The following ASF1A variants were observed in gnomAD, a reference collection of about 807,000 sequenced individuals.
The protein encoded by ASF1A is anti-silencing function 1A histone chaperone.
In ASF1A, 5 loss-of-function variants were observed where a neutral mutation model predicts 22.0. The observed-to-expected ratio is 0.23, with a 90% CI of 0.12 to 0.48. The LOEUF is 0.48. Ranked by LOEUF, ASF1A falls within the 20% of genes least tolerant of loss-of-function variation. ASF1A has a pLI of 0.99. For synonymous variants in ASF1A, 97 were observed against 86.7 expected (o/e 1.12, Z -0.66); for missense variants, 137 against 240.6 (o/e 0.57, Z 2.85).
chr6:118,894,867 C>A (rs539381115), intron 1 of ASF1A, among the ~76,000 whole-genome samples: 71 of 152,254 alleles, frequency 4.7e-4, no homozygotes, highest in African/African-American at 1.6e-3. Context: ...CCGCCAACAG[C>A]CTCCGCGACC....
At chr6:118,906,323 T>C (rs1342818494) in intron 3 of ASF1A, among the ~76,000 whole-genome samples, 3 of 152,184 alleles carry the variant, frequency 2.0e-5, no homozygotes, top group Non-Finnish European at 2.9e-5. Context: ...TCTGCCTACC[T>C]TGACCTCCCA....
chr6:118,897,916 C>T (rs1779542317), intron 1 of ASF1A, among the ~76,000 whole-genome samples: 2 of 152,048 alleles, frequency 1.3e-5, no homozygotes, highest in South Asian at 2.1e-4. Context: ...ATCCCATAAA[C>T]ATAAAAATCA....
intron 3 of ASF1A, among the ~76,000 whole-genome samples, chr6:118,907,139 G>C (rs1583624231): frequency 6.6e-6 from 1 of 152,112 alleles, no homozygotes; most frequent in Admixed American, 6.5e-5. Context: ...CAGAAGTATA[G>C]GAGTTAAATA....
At position 118,909,031 on chromosome 6, in the gene ASF1A, C is replaced by T. The variant is rs1277514668; in HGVS notation, c.*1417C>T. The T allele has an allele frequency of 6.6e-6, 1 of 152,240 alleles. No homozygotes were observed. Among genetic ancestry groups the T allele is most frequent in the East Asian group, 1.9e-4 (1 of 5,198 alleles). The allele number at this position is 152,240 out of a possible 1,614,324, so 9.4% of individuals were successfully genotyped here. ...TATACCAGATTATTAAAATATTGTC[C>T]ATTAACTAGTTCATAGATTTTAAAA... is the stretch of plus-strand genomic sequence containing the variant. On this transcript the variant is annotated 3_prime_UTR_variant, in exon 4 of 4. Coordinates refer to ENST00000229595, the MANE Select transcript of ASF1A (RefSeq NM_014034.3).
At chr6:118,906,522 G>T (rs917160124) in intron 3 of ASF1A, among the ~76,000 whole-genome samples, 1 of 152,078 alleles carries the variant, frequency 6.6e-6, no homozygotes, top group Non-Finnish European at 1.5e-5. Context: ...TGATATTTTT[G>T]TGTGTAACTC....
chr6:118,904,775 AT>A (rs1780057246), intron 2 of ASF1A, among the ~76,000 whole-genome samples: 1 of 152,244 alleles, frequency 6.6e-6, no homozygotes, highest in Non-Finnish European at 1.5e-5. Flanking sequence ...GTAACTATTC[AT>A]AATAGAGGAT....
intron 1 of ASF1A, among the ~76,000 whole-genome samples, chr6:118,899,211 A>G (rs1272548099): frequency 2.6e-5 from 4 of 152,192 alleles, no homozygotes; most frequent in Admixed American, 2.6e-4. Flanking sequence ...CAATCAAAGC[A>G]TTCCTTTTAA....
At chr6:118,899,020 C>A (rs527554537) in intron 1 of ASF1A, among the ~76,000 whole-genome samples, 1 of 152,254 alleles carries the variant, frequency 6.6e-6, no homozygotes, top group Non-Finnish European at 1.5e-5. Context: ...GATTGCTCCC[C>A]TACCCCACAT....
At chr6:118,898,932 G>C (rs140662973) in intron 1 of ASF1A, among the ~76,000 whole-genome samples, 2 of 152,186 alleles carry the variant, frequency 1.3e-5, no homozygotes, top group African/African-American at 4.8e-5. Context: ...ATCATTGACA[G>C]GTTCCAAATT....
chr6:118,895,585 C>A (rs993374450), intron 1 of ASF1A, among the ~76,000 whole-genome samples: 1 of 151,984 alleles, frequency 6.6e-6, no homozygotes, highest in Admixed American at 6.5e-5. Flanking sequence ...TCCAAGAATT[C>A]TTGGTATTTT....
intron 3 of ASF1A, among the ~76,000 whole-genome samples, chr6:118,906,088 T>G (rs1780159908): frequency 6.6e-6 from 1 of 152,184 alleles, no homozygotes; most frequent in Non-Finnish European, 1.5e-5. Context: ...CTCTTTTTTT[T>G]CTGAGATGGT....
At chr6:118,897,058 C>T (rs1015657846) in intron 1 of ASF1A, among the ~76,000 whole-genome samples, 5 of 152,050 alleles carry the variant, frequency 3.3e-5, no homozygotes, top group Non-Finnish European at 7.4e-5. Flanking sequence ...AAGCTGGTCT[C>T]GAACCCCTGG....
At chr6:118,897,059 G>A (rs1779471072) in intron 1 of ASF1A, among the ~76,000 whole-genome samples, 2 of 152,014 alleles carry the variant, frequency 1.3e-5, no homozygotes, top group East Asian at 1.9e-4. Context: ...AGCTGGTCTC[G>A]AACCCCTGGG....
intron 1 of ASF1A, among the ~76,000 whole-genome samples, chr6:118,896,998 T>G (rs1043682077): frequency 6.6e-6 from 1 of 151,926 alleles, no homozygotes; most frequent in Non-Finnish European, 1.5e-5. Flanking sequence ...GCCACCACAT[T>G]GGGCTAATTT....
In ASF1A at chr6:118,905,748, A is replaced by C; in HGVS notation, c.322A>C (p.Arg108=). The C allele has an allele frequency of 9.9e-6, 16 of 1,613,552 alleles. No homozygotes were observed. Among genetic ancestry groups the C allele is most frequent in the Non-Finnish European group, 1.4e-5 (16 of 1,179,508 alleles). ...TACCTATCGAGGACAAGAATTTATT[A>C]GAGTTGGCTATTATGTAAATAATGA... The part of the protein sequence containing the change: ...TCTYRGQEFI[R]VGYYVNNEYT... The change falls in exon 3 of 4, where the codon AGA becomes CGA. Residue 108 remains arginine, a synonymous_variant. Coordinates refer to ENST00000229595, the MANE Select transcript of ASF1A (RefSeq NM_014034.3).
intron 1 of ASF1A, among the ~76,000 whole-genome samples, chr6:118,897,442 T>TTATA (rs34389809): frequency 1.1e-4 from 16 of 151,176 alleles, no homozygotes; most frequent in African/African-American, 3.9e-4. Flanking sequence ...ATTCTTAAAT[T>TTATA]TATATATATA....
chr6:118,895,226 G>A (rs1779302203), intron 1 of ASF1A, among the ~76,000 whole-genome samples: 1 of 151,940 alleles, frequency 6.6e-6, no homozygotes, highest in African/African-American at 2.4e-5. Flanking sequence ...GCGCTCCCCG[G>A]GGGCCGTGGG....
In ASF1A at chr6:118,894,252, C is replaced by CT; in HGVS notation, c.-161dup. Reference sequence around the variant, plus strand: ...GAAAGCTGCAAAACACTGTGGAGTGCTCCCGTGTAAATAAAAAGAGGAAAA... The same window carrying CT: ...GAAAGCTGCAAAACACTGTGGAGTGCTTCCCGTGTAAATAAAAAGAGGAAAA... On this transcript the variant is annotated 5_prime_UTR_variant, in exon 1 of 4. Transcript: ENST00000229595. 1.4e-6 allele frequency: 2 copies of CT among 1,452,966 alleles called. No individual in the cohort carries two copies. The highest frequency in any genetic ancestry group is 9.0e-7 in the Non-Finnish European group (1 of 1,108,398). 90.0% of individuals were successfully genotyped at this position (1,452,966 alleles called of 1,614,324 possible). A position where few individuals can be genotyped will look rare whatever the true frequency, so the allele number is the denominator to read the frequency against.
At position 118,907,434 on chromosome 6, in the gene ASF1A, G is replaced by A; in HGVS notation, c.435G>A (p.Arg145=). 5.6e-6 allele frequency: 9 copies of A among 1,608,976 alleles called. No homozygotes were observed. Among genetic ancestry groups the A allele is most frequent in the Non-Finnish European group, 7.6e-6 (9 of 1,177,256 alleles). Residue 145 remains arginine (R), a synonymous_variant, in exon 4 of 4, where the codon AGG becomes AGA. Transcript: ENST00000229595. ...LQRNILASNP[R]VTRFHINWED... ...GGAATATTTTGGCATCTAATCCCAG[G>A]GTCACAAGATTCCACATTAATTGGG...
Sources: gnomAD v4.1 joint callset for allele counts (sites outside exome capture counted in the v4.1 genomes callset) on GRCh38, gnomAD v4.1.1 for gene constraint, MANE v1.5 for transcripts, NCBI Gene and HGNC (gene_info 2026-07-23, HGNC 2026-07-21) for gene names.